The following GPC6 variants were observed in gnomAD, a reference collection of about 807,000 sequenced individuals.
The protein encoded by GPC6 is glypican-6.
A neutral mutation model predicts 55.2 loss-of-function variants in GPC6; 14 were observed. That is an observed-to-expected ratio of 0.25 (90% CI 0.17 to 0.40). The LOEUF (loss-of-function observed/expected upper bound fraction) is 0.40. GPC6 is among the 10% of genes least tolerant of loss of function. The probability of loss-of-function intolerance (pLI) is 1.00; values close to 1 mark genes in which losing one functional copy is unlikely to be tolerated. For missense variants in GPC6, 641 were observed against 708.5 expected (o/e 0.90, Z 1.08); for synonymous variants, 278 against 259.6 (o/e 1.07, Z -0.68).
In GPC6 at chr13:94,271,382, G is replaced by GCGCACACA. The variant is rs1491286473; in HGVS notation, c.878-14966_878-14965insGCACACAC. Among the ~76,000 whole-genome samples the GCGCACACA allele has an allele frequency of 6.7e-3, 851 of 126,734 alleles. 11 individuals are homozygous for GCGCACACA. Among genetic ancestry groups the GCGCACACA allele is most frequent in the African/African-American group, 0.023 (788 of 33,678 alleles). 83.1% of individuals were successfully genotyped at this position (126,734 alleles called of 152,430 possible). On this transcript the variant is annotated intron_variant, in intron 4 of 8. Transcript: ENST00000377047. The stretch of plus-strand genomic sequence containing the variant: ...CACACACACACGCGCGCGCGCGCGC[G>GCGCACACA]CACACACACACACACACACACACAC...
chr13:94,216,562 T>C (rs1890229722), intron 4 of GPC6, among the ~76,000 whole-genome samples: 2 of 152,320 alleles, frequency 1.3e-5, no homozygotes, highest in Admixed American at 6.5e-5. Context: ...ATGTGACACA[T>C]AGAAGACTTC....
chr13:93,776,181 A>G lies in GPC6; in HGVS notation c.320-53973A>G, dbSNP rs1226554588. On this transcript the variant is annotated intron_variant, in intron 2 of 8. Coordinates refer to ENST00000377047, the MANE Select transcript of GPC6 (RefSeq NM_005708.5). ...AATAGTACAATCTAGGTAATCTCTC[A>G]ATGTTGTACTTTACAAATATAGGGA... Among the ~76,000 whole-genome samples, 5 of 152,138 alleles carry G rather than the reference A, an allele frequency of 3.3e-5. 1 individual carries two copies. The highest frequency in any genetic ancestry group is 6.3e-3 in the Middle Eastern group (2 of 316).
At chr13:93,725,420 A>G (rs1030477136) in intron 2 of GPC6, among the ~76,000 whole-genome samples, 6 of 152,094 alleles carry the variant, frequency 3.9e-5, no homozygotes, top group African/African-American at 1.4e-4. Flanking sequence ...CTAAAAGCAG[A>G]ATTAGAGGGA....
chr13:93,779,487 A>G (rs1288365811), intron 2 of GPC6, among the ~76,000 whole-genome samples: 3 of 152,174 alleles, frequency 2.0e-5, no homozygotes, highest in Non-Finnish European at 2.9e-5. Flanking sequence ...TCTATGGACC[A>G]TTAGAGTATA....
chr13:93,988,404 A>C (rs1881130712), intron 3 of GPC6, among the ~76,000 whole-genome samples: 1 of 152,190 alleles, frequency 6.6e-6, no homozygotes, highest in Non-Finnish European at 1.5e-5. Context: ...CCTTTCGGAT[A>C]GGACTTCTGC....
chr13:93,972,875 C>T lies in GPC6; in HGVS notation c.712-54854C>T, dbSNP rs1383212809. ...CAGCAAAATGGAAAATTTCTGTAGA[C>T]CATCAAACATGGTGTCTGTCTCTCT... On this transcript the variant is annotated intron_variant, in intron 3 of 8. Transcript: ENST00000377047. 5.3e-5 allele frequency among the ~76,000 whole-genome samples: 8 copies of T among 151,978 alleles called. No homozygotes were observed. In the South Asian group the frequency reaches 8.3e-4, roughly 16 times the overall value.
intron 2 of GPC6, among the ~76,000 whole-genome samples, chr13:93,739,100 A>C (rs573482187): frequency 6.6e-6 from 1 of 152,252 alleles, no homozygotes; most frequent in Non-Finnish European, 1.5e-5. Context: ...AGTATCTACA[A>C]GAGTTCTTGT....
intron 6 of GPC6, among the ~76,000 whole-genome samples, chr13:94,309,459 T>C (rs984517106): frequency 6.6e-6 from 1 of 152,154 alleles, no homozygotes; most frequent in South Asian, 2.1e-4. Flanking sequence ...TTATATAAAA[T>C]AATTGAAAAC....
chr13:93,685,644 G>A (rs1033835381), intron 2 of GPC6, among the ~76,000 whole-genome samples: 2 of 151,958 alleles, frequency 1.3e-5, no homozygotes, highest in African/African-American at 4.8e-5. Context: ...TAGCTTAATT[G>A]GTTGGACTCT....
intron 1 of GPC6, among the ~76,000 whole-genome samples, chr13:93,338,960 T>C (rs980790716): frequency 1.3e-5 from 2 of 152,122 alleles, no homozygotes; most frequent in East Asian, 1.9e-4. Context: ...CTTGGTGCTG[T>C]TTTTTAGAGC....
At chr13:93,670,000 T>G (rs553613111) in intron 2 of GPC6, among the ~76,000 whole-genome samples, 1 of 152,330 alleles carries the variant, frequency 6.6e-6, no homozygotes, top group East Asian at 1.9e-4. Context: ...TTTGTTGTTA[T>G]CAGCTTCAGT....
At chr13:94,061,542 A>G (rs1227064670) in intron 4 of GPC6, among the ~76,000 whole-genome samples, 1 of 152,096 alleles carries the variant, frequency 6.6e-6, no homozygotes, top group Non-Finnish European at 1.5e-5. Context: ...TGGTTAGCAG[A>G]GGATGAATCA....
chr13:93,418,872 A>T (rs1402697157), intron 1 of GPC6, among the ~76,000 whole-genome samples: 1 of 151,070 alleles, frequency 6.6e-6, no homozygotes, highest in Non-Finnish European at 1.5e-5. Flanking sequence ...ATGGCACTAT[A>T]CCATAGTATT....
chr13:94,386,433 A>T (rs1257711653), intron 7 of GPC6, among the ~76,000 whole-genome samples: 1 of 151,450 alleles, frequency 6.6e-6, no homozygotes, highest in African/African-American at 2.4e-5. Context: ...TCTACAAAAA[A>T]TATTAAAGTA....
chr13:94,064,195 C>G (rs1015460700), intron 4 of GPC6, among the ~76,000 whole-genome samples: 1 of 152,140 alleles, frequency 6.6e-6, no homozygotes, highest in African/African-American at 2.4e-5. Flanking sequence ...TAAATTATCT[C>G]CAAAATGTTT....
chr13:93,972,884 A>T (rs139578250), intron 3 of GPC6, among the ~76,000 whole-genome samples: 2 of 151,902 alleles, frequency 1.3e-5, no homozygotes, highest in African/African-American at 4.8e-5. Flanking sequence ...ACCATCAAAC[A>T]TGGTGTCTGT....
intron 2 of GPC6, among the ~76,000 whole-genome samples, chr13:93,581,053 T>C (rs956621924): frequency 5.3e-5 from 8 of 152,192 alleles, no homozygotes; most frequent in African/African-American, 1.7e-4. Flanking sequence ...GCTTTTTAAA[T>C]TGTATTTCTA....
In GPC6 at chr13:94,406,587, A is replaced by G. The variant is rs1881378026; in HGVS notation, c.*3370A>G. 2 of 152,180 alleles carry G rather than the reference A, an allele frequency of 1.3e-5. No homozygotes were observed. Among genetic ancestry groups the G allele is most frequent in the African/African-American group, 2.4e-5 (1 of 41,460 alleles). 9.4% of individuals were successfully genotyped at this position (152,180 alleles called of 1,614,324 possible). On this transcript the variant is annotated 3_prime_UTR_variant, in exon 9 of 9. Transcript: ENST00000377047. Reference sequence around the variant, plus strand: ...TTCATTGATAAGTAGTAATAATTATAAAAGTAACATTCTTTAAAGCAAACA... The same window carrying G: ...TTCATTGATAAGTAGTAATAATTATGAAAGTAACATTCTTTAAAGCAAACA...
chr13:94,031,605 A>G (rs1012513116), intron 4 of GPC6, among the ~76,000 whole-genome samples: 11 of 152,166 alleles, frequency 7.2e-5, no homozygotes, highest in African/African-American at 2.7e-4. Flanking sequence ...CACTTATCCC[A>G]GGTATTGCCG....
Sources: allele counts gnomAD v4.1 joint callset (sites outside exome capture counted in the v4.1 genomes callset), GRCh38; gene constraint gnomAD v4.1.1; transcripts MANE v1.5; gene names NCBI Gene and HGNC (gene_info 2026-07-23, HGNC 2026-07-21).